SPINK5: variants seen among roughly 807,000 people sequenced by gnomAD.
The protein encoded by SPINK5 is serine protease inhibitor Kazal-type 5.
SPINK5 carries 125 observed loss-of-function variants against 151.8 expected under a neutral mutation model. That is an observed-to-expected ratio of 0.82 (90% CI 0.71 to 0.96). SPINK5 has a LOEUF of 0.96. SPINK5 is among the 40% of genes least tolerant of loss of function. The pLI is 0.00. For synonymous variants in SPINK5, 374 were observed against 395.3 expected (o/e 0.95, Z 0.64); for missense variants, 1,194 against 1,291.9 (o/e 0.92, Z 1.16).
At chr5:148,086,372 C>G (rs969024148) in intron 4 of SPINK5, 33 bp from the exon 5 acceptor site, 1 of 1,605,668 alleles carries the variant, frequency 6.2e-7, no homozygotes, top group East Asian at 2.2e-5. Flanking sequence ...TTGTTTCTTA[C>G]ATTTTGACGT....
At position 148,118,519 on chromosome 5, in the gene SPINK5, A is replaced by T. The variant is rs1390585926; in HGVS notation, c.2195A>T (p.Asp732Val). ...TRESDPVRDA[D>V]GKSYNNQCTM... Reference sequence around the variant, plus strand: ...GAGAGTGATCCTGTACGTGATGCTGATGGCAAATCGTACAACAATCAGTGT... The same window carrying T: ...GAGAGTGATCCTGTACGTGATGCTGTTGGCAAATCGTACAACAATCAGTGT... Residue 732 changes from aspartate (D) to valine (V), a missense_variant, in exon 23 of 33, where the codon GAT becomes GTT. Coordinates refer to ENST00000256084, the MANE Select transcript of SPINK5 (RefSeq NM_006846.4). The T allele has an allele frequency of 6.2e-7, 1 of 1,614,204 alleles. No individual in the cohort carries two copies. Among genetic ancestry groups the T allele is most frequent in the Non-Finnish European group, 8.5e-7 (1 of 1,180,014 alleles).
Position 148,097,958 on chromosome 5 carries a change from T to C in SPINK5, c.974T>C (p.Met325Thr). The C allele has an allele frequency of 6.2e-7, 1 of 1,612,182 alleles. No individual in the cohort carries two copies. The highest frequency in any genetic ancestry group is 8.5e-7 in the Non-Finnish European group (1 of 1,178,714). The change falls in exon 11 of 33, where the codon ATG becomes ACG. Residue 325 changes from methionine (M) to threonine (T), a missense_variant. Met to Thr is a moderately conservative substitution (Grantham distance 81, BLOSUM62 -1). Transcript: ENST00000256084. ...NDPIRGPDGK[M>T]HGNLCSMCQA... is the part of the protein sequence containing the mutation. ...CCTATTCGTGGTCCAGATGGGAAAA[T>C]GCATGGCAACTTGTGTTCCATGTGT...
Position 148,120,023 on chromosome 5 carries a change from G to A in SPINK5, c.2328G>A (p.Glu776=), listed in dbSNP as rs920953674. 8.7e-6 allele frequency: 14 copies of A among 1,613,930 alleles called. No individual in the cohort carries two copies. The highest frequency in any genetic ancestry group is 3.3e-5 in the Admixed American group (2 of 60,004). Residue 776 remains glutamate, a synonymous_variant, in exon 25 of 33, where the codon GAG becomes GAA. Transcript: ENST00000256084. ...CATCTTTTCAGGATACATGTGATGA[G>A]TTTAGAAGCCAAATGAAAAATGGAA... ...GSESGKDTCD[E]FRSQMKNGKL... is the part of the protein sequence containing the mutation.
At chr5:148,085,295 C>G (rs1025915295) in intron 4 of SPINK5, among the ~76,000 whole-genome samples, 2 of 151,802 alleles carry the variant, frequency 1.3e-5, no homozygotes, top group Non-Finnish European at 2.9e-5. Context: ...CATAGGTCTA[C>G]ATTCTAAGTG....
chr5:148,064,228 G>A (rs1002425990), intron 1 of SPINK5, 129 bp downstream of exon 1: 5 of 943,368 alleles, frequency 5.3e-6, no homozygotes, highest in South Asian at 1.3e-5. Flanking sequence ...TGTCTTGCCA[G>A]ACACAGAGTT....
At chr5:148,097,785 CT>C in intron 10 of SPINK5, 81 bp from the exon 11 acceptor site, 1 of 933,626 alleles carries the variant, frequency 1.1e-6, no homozygotes, top group East Asian at 3.1e-5. Context: ...CTTAATTTCT[CT>C]TTTTTCTTTG....
chr5:148,092,069 T>A (rs1274625338), intron 8 of SPINK5, among the ~76,000 whole-genome samples: 5 of 151,894 alleles, frequency 3.3e-5, no homozygotes, highest in Non-Finnish European at 7.4e-5. Flanking sequence ...AATTTTCTTG[T>A]CAGCAAAGTA....
intron 31 of SPINK5, among the ~76,000 whole-genome samples, chr5:148,132,393 T>G (rs940959416): frequency 6.6e-6 from 1 of 152,172 alleles, no homozygotes; most frequent in Non-Finnish European, 1.5e-5. Flanking sequence ...GAAAAATATT[T>G]AAAAGAATTC....
intron 10 of SPINK5, 74 bp downstream of exon 10, chr5:148,095,979 T>C: frequency 2.4e-5 from 27 of 1,118,724 alleles, no homozygotes; most frequent in Non-Finnish European, 3.3e-5. Flanking sequence ...AGAGTGCATA[T>C]TACATAGTAT....
rs12518996 is a variant in SPINK5, at chr5:148,119,109, G to A, written c.2313+51G>A. ...AGAATCGTCTTTCTGTGAGTCAGCA[G>A]TTGGCGATCAAAACTATAGAAGAAG... is the stretch of plus-strand genomic sequence containing the variant. On this transcript the variant is annotated intron_variant, in intron 24 of 32. Transcript: ENST00000256084. 0.6 allele frequency: 934,072 copies of A among 1,554,484 alleles called. 285,425 individuals are homozygous for A. Among genetic ancestry groups the A allele is most frequent in the Admixed American group, 0.7 (42,158 of 59,848 alleles).
intron 16 of SPINK5, among the ~76,000 whole-genome samples, chr5:148,105,730 C>T (rs1753764201): frequency 6.6e-6 from 1 of 151,756 alleles, no homozygotes; most frequent in Admixed American, 6.6e-5. Context: ...GATTCTCCTG[C>T]CTCAGCCTCT....
intron 20 of SPINK5, 110 bp from the exon 21 acceptor site, chr5:148,114,252 T>G: frequency 1.5e-6 from 2 of 1,296,962 alleles, no homozygotes; most frequent in Non-Finnish European, 2.1e-6. Context: ...AAAAAAATTC[T>G]CAGGTCATTT....
intron 3 of SPINK5, among the ~76,000 whole-genome samples, 160 bp downstream of exon 3, chr5:148,070,610 T>C (rs1752712699): frequency 6.6e-6 from 1 of 152,124 alleles, no homozygotes; most frequent in African/African-American, 2.4e-5. Context: ...CAGATAAAGT[T>C]GGATAATTAC....
At chr5:148,093,611 C>G (rs1307668207) in intron 8 of SPINK5, among the ~76,000 whole-genome samples, 1 of 151,672 alleles carries the variant, frequency 6.6e-6, no homozygotes, top group Non-Finnish European at 1.5e-5. Context: ...TTGACTTGAT[C>G]CATATTAAGT....
At position 148,087,722 on chromosome 5, in the gene SPINK5, T is replaced by G. The variant is rs559740774; in HGVS notation, c.411-820T>G. 2.6e-5 allele frequency among the ~76,000 whole-genome samples: 4 copies of G among 151,878 alleles called. No homozygotes were observed. The South Asian group carries it at 8.3e-4, about 32-fold the overall frequency. On this transcript the variant is annotated intron_variant, in intron 5 of 32. Coordinates refer to ENST00000256084, the MANE Select transcript of SPINK5 (RefSeq NM_006846.4). The stretch of plus-strand genomic sequence containing the variant: ...TTTAAATCTCTGGTCCAGGTGAAAG[T>G]TTCTCTCCCCTAATTTCTGGTATAT...
chr5:148,131,258 G>C lies in SPINK5; in HGVS notation c.2965-1G>C. The C allele has an allele frequency of 6.2e-7, 1 of 1,613,638 alleles. No homozygotes were observed. The highest frequency in any genetic ancestry group is 8.5e-7 in the Non-Finnish European group (1 of 1,179,672). On this transcript the variant is annotated splice_acceptor_variant, in intron 30 of 32. Coordinates refer to ENST00000256084, the MANE Select transcript of SPINK5 (RefSeq NM_006846.4). LOFTEE classifies it high-confidence loss of function. ...GTCTGCTTTATTTTTTGCTTCTTCA[G>C]GATTCTGAGATGTGCAAAGACTACC...
chr5:148,066,657 C>A (rs888175576), intron 2 of SPINK5, among the ~76,000 whole-genome samples: 5 of 151,948 alleles, frequency 3.3e-5, no homozygotes, highest in African/African-American at 1.2e-4. Flanking sequence ...ATTTGGGAAT[C>A]AGAGAGCATG....
intron 29 of SPINK5, 97 bp downstream of exon 29, chr5:148,125,947 G>A: frequency 6.4e-7 from 1 of 1,565,368 alleles, no homozygotes; most frequent in South Asian, 1.1e-5. Context: ...GAACCCCATG[G>A]GATTTTAAAA....
In SPINK5 at chr5:148,089,453, ACAATCTTGGTAAGTTT is replaced by A. The variant is rs561272571; in HGVS notation, c.475-37_475-22del. ...TTCTGAAAACAGTGTTGTCAGCATT[ACAATCTTGGTAAGTTT>A]CAAGTTCTTTTCCCTGTTCTTCAGG... On this transcript the variant is annotated intron_variant, in intron 6 of 32. Transcript: ENST00000256084. 4,223 of 1,610,960 alleles carry A rather than the reference ACAATCTTGGTAAGTTT, an allele frequency of 2.6e-3. 7 individuals are homozygous for A. Among genetic ancestry groups the A allele is most frequent in the Middle Eastern group, 8.8e-3 (53 of 6,034 alleles).
Sources: allele counts gnomAD v4.1 joint callset (sites outside exome capture counted in the v4.1 genomes callset), GRCh38; gene constraint gnomAD v4.1.1; transcripts MANE v1.5; gene names NCBI Gene and HGNC (gene_info 2026-07-23, HGNC 2026-07-21).